Variants in PCSK5 observed in about 807,000 individuals in gnomAD.
PCSK5 encodes the protein proprotein convertase subtilisin/kexin type 5.
PCSK5 carries 129 observed loss-of-function variants against 233.2 expected under a neutral mutation model. The observed-to-expected ratio is 0.55, with a 90% confidence interval of 0.48 to 0.64. The LOEUF is 0.64. PCSK5 is among the 30% of genes least tolerant of loss of function. PCSK5 has a pLI of 0.00. For synonymous variants in PCSK5, 825 were observed against 879.2 expected (o/e 0.94, Z 1.09); for missense variants, 2,076 against 2,430.1 (o/e 0.85, Z 3.06).
At chr9:75,901,546 G>A (rs918015665) in intron 1 of PCSK5, among the ~76,000 whole-genome samples, 2 of 151,554 alleles carry the variant, frequency 1.3e-5, no homozygotes, top group African/African-American at 4.9e-5. Context: ...TTGATGACGG[G>A]TTGATGGGTG....
rs779865342 is a variant in PCSK5 at position 76,354,016 on chromosome 9, T to G, written c.5068-17T>G. ...TCCCTTTACACTCAAAAGGAACCTCTTGATTGCTCTTAACAGGGAGAGAAG... is the reference window on the plus strand; with the variant it reads ...TCCCTTTACACTCAAAAGGAACCTCGTGATTGCTCTTAACAGGGAGAGAAG... On this transcript the variant is annotated splice_polypyrimidine_tract_variant and intron_variant, in intron 36 of 37. Coordinates refer to ENST00000674117, the MANE Select transcript of PCSK5 (RefSeq NM_001372043.1). The G allele has an allele frequency of 9.7e-5, 155 of 1,591,100 alleles. No homozygotes were observed. The highest frequency in any genetic ancestry group is 1.3e-4 in the Non-Finnish European group (150 of 1,167,832).
chr9:76,333,224 G>C (rs749462655), intron 34 of PCSK5, among the ~76,000 whole-genome samples: 1 of 152,204 alleles, frequency 6.6e-6, no homozygotes, highest in Non-Finnish European at 1.5e-5. Flanking sequence ...TCACAAGGCA[G>C]AAGCAAAGCA....
At chr9:76,029,374 GAAAAAT>G (rs144341058) in intron 5 of PCSK5, among the ~76,000 whole-genome samples, 2,065 of 152,088 alleles carry the variant, frequency 0.014, 51 homozygotes, top group African/African-American at 0.047. Flanking sequence ...TTAAATGGAA[GAAAAAT>G]AAAAATAAAA....
rs548636656 is a variant in PCSK5 at position 76,088,837 on chromosome 9, T to C, written c.895-7053T>C. ...ATTTAAATTGCTTAAAGAAGCAATATGTTTCAGAATTCTGGAACAAACGTT... is the reference window on the plus strand; with the variant it reads ...ATTTAAATTGCTTAAAGAAGCAATACGTTTCAGAATTCTGGAACAAACGTT... On this transcript the variant is annotated intron_variant, in intron 7 of 37. Transcript: ENST00000674117. Among the ~76,000 whole-genome samples the C allele has an allele frequency of 6.2e-3, 949 of 152,286 alleles. 6 individuals are homozygous for C. The highest frequency in any genetic ancestry group is 9.1e-3 in the Non-Finnish European group (616 of 68,014).
Position 76,350,197 on chromosome 9 carries a change from C to T in PCSK5, c.4967-631C>T, listed in dbSNP as rs1830083779. Among the ~76,000 whole-genome samples the T allele has an allele frequency of 2.0e-5, 3 of 152,062 alleles. No homozygotes were observed. In the South Asian group the frequency reaches 6.3e-4, roughly 32 times the overall value. On this transcript the variant is annotated intron_variant, in intron 35 of 37. Coordinates refer to ENST00000674117, the MANE Select transcript of PCSK5 (RefSeq NM_001372043.1). ...GAATCTTGACCATCACTATGTAACCCTGGATAGGTGACATTACATGTCTGG... is the reference window on the plus strand; with the variant it reads ...GAATCTTGACCATCACTATGTAACCTTGGATAGGTGACATTACATGTCTGG...
At chr9:75,994,532 C>A (rs1361805296) in intron 3 of PCSK5, among the ~76,000 whole-genome samples, 1 of 150,456 alleles carries the variant, frequency 6.6e-6, no homozygotes, top group African/African-American at 2.5e-5. Context: ...TCATGCAATT[C>A]TCCTGCCTCA....
chr9:75,915,244 G>A (rs1290292888), intron 1 of PCSK5, among the ~76,000 whole-genome samples: 1 of 152,184 alleles, frequency 6.6e-6, no homozygotes, highest in Non-Finnish European at 1.5e-5. Context: ...GGCTGATCCT[G>A]ACTGTATTAT....
intron 35 of PCSK5, 48 bp downstream of exon 35, chr9:76,338,495 G>C: frequency 2.2e-6 from 3 of 1,369,468 alleles, no homozygotes; most frequent in Non-Finnish European, 3.1e-6. Flanking sequence ...AAAATGAAAA[G>C]GTTTTCTTCC....
Position 76,358,769 on chromosome 9 carries a change from C to A in PCSK5, c.5511C>A (p.Tyr1837Ter). The A allele has an allele frequency of 6.2e-7, 1 of 1,612,918 alleles. No individual in the cohort carries two copies. The highest frequency in any genetic ancestry group is 8.5e-7 in the Non-Finnish European group (1 of 1,179,894). ...TSFEEDQVIE[Y>*]RDRDYDEDDD... ...TTGAAGAGGATCAGGTGATTGAGTA[C>A]AGGGATCGGGACTATGATGAGGATG... Residue 1837 changes from tyrosine (Y) to a stop codon, truncating the protein, a stop_gained, in exon 38 of 38, where the codon TAC becomes TAA. Transcript: ENST00000674117. LOFTEE classifies it high-confidence loss of function.
chr9:75,977,433 GTTC>G (rs1826073917), intron 2 of PCSK5, among the ~76,000 whole-genome samples: 1 of 137,096 alleles, frequency 7.3e-6, no homozygotes, highest in Non-Finnish European at 1.5e-5. Context: ...CACCTACTTT[GTTC>G]TTCCGTGTTT....
intron 20 of PCSK5, among the ~76,000 whole-genome samples, chr9:76,201,815 G>A (rs1003324310): frequency 6.6e-6 from 1 of 152,192 alleles, no homozygotes; most frequent in Non-Finnish European, 1.5e-5. Context: ...TAATTTCTTT[G>A]TAAAGAGGCT....
intron 3 of PCSK5, among the ~76,000 whole-genome samples, chr9:75,991,225 AAGG>A (rs1414682877): frequency 6.6e-6 from 1 of 152,174 alleles, no homozygotes; most frequent in African/African-American, 2.4e-5. Context: ...ATGCTTCATA[AAGG>A]ACAGGCATTA....
chr9:76,026,812 C>T, intron 4 of PCSK5, 149 bp from the exon 5 acceptor site: 4 of 536,846 alleles, frequency 7.5e-6, no homozygotes, highest in Non-Finnish European at 1.4e-5. Context: ...CCTAAGGCAT[C>T]CTGACACCAC....
chr9:76,159,692 A>G (rs1822763449), intron 12 of PCSK5, among the ~76,000 whole-genome samples: 1 of 152,160 alleles, frequency 6.6e-6, no homozygotes, highest in Admixed American at 6.5e-5. Flanking sequence ...AGCCACCTAG[A>G]CAATATAAAT....
Position 76,295,376 on chromosome 9 carries a change from G to A in PCSK5, c.3287G>A (p.Gly1096Glu), listed in dbSNP as rs1362752513. The change falls in exon 26 of 38, where the codon GGG (glycine) becomes GAG (glutamate). Residue 1096 changes from glycine to glutamate, a missense_variant. Physicochemically the swap from Gly to Glu is moderately conservative, Grantham distance 98. This residue lies in a region of PCSK5 where 1,510 missense variants were observed against 1,538.1 expected (regional missense o/e 0.98). Coordinates refer to ENST00000674117, the MANE Select transcript of PCSK5 (RefSeq NM_001372043.1). ...AACTGTGGCAGCTGTGACCAGAATG[G>A]GTGTTACTGGTGTGAAGAGGGCTTC... ...DSNCGSCDQN[G>E]CYWCEEGFFL... is the part of the protein sequence containing the mutation. 6.2e-7 allele frequency: 1 copy of A among 1,612,218 alleles called. No homozygotes were observed. Among genetic ancestry groups the A allele is most frequent in the South Asian group, 1.1e-5 (1 of 91,024 alleles).
At chr9:76,160,220 T>C (rs1822794056) in intron 12 of PCSK5, among the ~76,000 whole-genome samples, 1 of 152,162 alleles carries the variant, frequency 6.6e-6, no homozygotes, top group Admixed American at 6.5e-5. Flanking sequence ...TAAGTAACTG[T>C]ATTTTGTACA....
intron 1 of PCSK5, among the ~76,000 whole-genome samples, chr9:75,921,872 A>G (rs1012171244): frequency 6.6e-6 from 1 of 152,252 alleles, no homozygotes; most frequent in Non-Finnish European, 1.5e-5. Context: ...TGTTATAAAC[A>G]TACTGTAAGT....
chr9:75,978,395 C>T (rs546915285), intron 2 of PCSK5, among the ~76,000 whole-genome samples: 2 of 152,224 alleles, frequency 1.3e-5, no homozygotes, highest in African/African-American at 4.8e-5. Context: ...TAAGTGTGAC[C>T]CTGTTAACAA....
chr9:76,328,060 G>C lies in PCSK5; in HGVS notation c.4391G>C (p.Cys1464Ser). Residue 1464 changes from cysteine to serine, a missense_variant, in exon 33 of 38, where the codon TGT (cysteine) becomes TCT (serine). By Grantham distance (112) the Cys-to-Ser change is moderately radical (BLOSUM62 -1). Transcript: ENST00000674117. The part of the protein sequence containing the change: ...TCSSSGTCTT[C>S]QKGLIMNPRG... ...TCATCATCTGGGACCTGCACCACCT[G>C]TCAGAAAGGCCTGATCATGAACCCT... 1.2e-6 allele frequency: 2 copies of C among 1,612,916 alleles called. No homozygotes were observed. The highest frequency in any genetic ancestry group is 8.5e-7 in the Non-Finnish European group (1 of 1,179,858).
Sources: allele counts gnomAD v4.1 joint callset (sites outside exome capture counted in the v4.1 genomes callset), GRCh38; gene constraint gnomAD v4.1.1; regional missense constraint gnomAD v4.1.1; transcripts MANE v1.5; gene names NCBI Gene and HGNC (gene_info 2026-07-23, HGNC 2026-07-21).